Variants in PTPN12 observed in about 807,000 individuals in gnomAD.
The protein encoded by PTPN12 is protein tyrosine phosphatase non-receptor type 12, also known as tyrosine-protein phosphatase non-receptor type 12.
In PTPN12, 29 loss-of-function variants were observed where a neutral mutation model predicts 97.6. That is an observed-to-expected ratio of 0.30 (90% CI 0.22 to 0.41). The LOEUF is 0.41. PTPN12 is among the 10% of genes least tolerant of loss of function. The probability of loss-of-function intolerance (pLI) is 1.00; values close to 1 mark genes in which losing one functional copy is unlikely to be tolerated. For missense variants in PTPN12, 819 were observed against 926.0 expected (o/e 0.88, Z 1.50); for synonymous variants, 327 against 300.4 (o/e 1.09, Z -0.91).
At chr7:77,614,708 AAAT>A (rs1788693353) in intron 11 of PTPN12, among the ~76,000 whole-genome samples, 1 of 152,210 alleles carries the variant, frequency 6.6e-6, no homozygotes, top group Non-Finnish European at 1.5e-5. Context: ...TGCAGACCAT[AAAT>A]CTTAAAGAAA....
At chr7:77,590,967 G>T (rs1787850063) in intron 5 of PTPN12, among the ~76,000 whole-genome samples, 1 of 152,070 alleles carries the variant, frequency 6.6e-6, no homozygotes, top group Non-Finnish European at 1.5e-5. Flanking sequence ...AGCCCAGAAG[G>T]TAGAGGCTGC....
intron 2 of PTPN12, among the ~76,000 whole-genome samples, chr7:77,579,735 A>G (rs1205025300): frequency 1.3e-5 from 2 of 152,204 alleles, no homozygotes; most frequent in Non-Finnish European, 2.9e-5. Context: ...TTCTTTTTAC[A>G]TAGATCTCAT....
chr7:77,620,437 CT>C (rs1788893311), intron 12 of PTPN12, among the ~76,000 whole-genome samples: 1 of 152,068 alleles, frequency 6.6e-6, no homozygotes, highest in African/African-American at 2.4e-5. Flanking sequence ...CATAGGTCAC[CT>C]TTTTTCTTCT....
chr7:77,564,782 G>A (rs1339846968), intron 1 of PTPN12, among the ~76,000 whole-genome samples: 3 of 19,956 alleles, frequency 1.5e-4, no homozygotes, highest in African/African-American at 2.2e-4. Flanking sequence ...TTTTTGAGAC[G>A]GAATCTCGCC....
intron 11 of PTPN12, among the ~76,000 whole-genome samples, chr7:77,612,794 G>GTT (rs758256032): frequency 1.4e-5 from 2 of 146,244 alleles, no homozygotes; most frequent in Non-Finnish European, 3.0e-5. Flanking sequence ...TTGGTTTTTG[G>GTT]TTTTTTTTTT....
chr7:77,614,072 T>TG (rs1788668572), intron 11 of PTPN12, among the ~76,000 whole-genome samples: 1 of 40,896 alleles, frequency 2.4e-5, no homozygotes, highest in African/African-American at 1.8e-4. Flanking sequence ...AAAAAAATTT[T>TG]TTTTTGTAGA....
intron 11 of PTPN12, 79 bp from the exon 12 acceptor site, chr7:77,618,401 C>G: frequency 1.1e-6 from 1 of 946,230 alleles, no homozygotes; most frequent in South Asian, 1.9e-5. Context: ...TTGAAAAGCA[C>G]AGAAACAATT....
intron 1 of PTPN12, chr7:77,564,289 C>T (rs1808132529): frequency 6.6e-6 from 1 of 152,496 alleles, no homozygotes; most frequent in Non-Finnish European, 1.5e-5. Context: ...TCTAATTTTA[C>T]TGTATGCTGC....
intron 1 of PTPN12, among the ~76,000 whole-genome samples, chr7:77,548,376 C>T (rs1434082929): frequency 6.6e-6 from 1 of 152,176 alleles, no homozygotes; most frequent in Non-Finnish European, 1.5e-5. Flanking sequence ...GAAGGGAGTT[C>T]TAGGTCACAT....
At position 77,627,521 on chromosome 7, in the gene PTPN12, T is replaced by C; in HGVS notation, c.1842T>C (p.Asp614=). 6.2e-7 allele frequency: 1 copy of C among 1,614,126 alleles called. No individual in the cohort carries two copies. Among genetic ancestry groups the C allele is most frequent in the Non-Finnish European group, 8.5e-7 (1 of 1,179,998 alleles). The change falls in exon 13 of 18, where the codon GAT becomes GAC. Residue 614 remains aspartate (D), a synonymous_variant. Coordinates refer to ENST00000248594, the MANE Select transcript of PTPN12 (RefSeq NM_002835.4). ...DDSDSDERNS[D]GAVTQNKTNI... ...CAGACTCAGATGAAAGAAACTCTGA[T>C]GGTGCTGTGACCCAGAATAAAACTA...
intron 2 of PTPN12, among the ~76,000 whole-genome samples, chr7:77,572,098 C>CT (rs35269832): frequency 4.7e-4 from 63 of 133,348 alleles, no homozygotes; most frequent in Admixed American, 8.2e-4. Context: ...TTCTTGGTGA[C>CT]TTTTTTTTTT....
chr7:77,600,566 C>T (rs1788158953), intron 7 of PTPN12, 98 bp from the exon 8 acceptor site: 1 of 1,040,008 alleles, frequency 9.6e-7, no homozygotes, highest in South Asian at 1.8e-5. Flanking sequence ...GTGCTAAATG[C>T]CACACAAATT....
At chr7:77,546,818 G>A (rs886468125) in intron 1 of PTPN12, among the ~76,000 whole-genome samples, 1 of 152,192 alleles carries the variant, frequency 6.6e-6, no homozygotes, top group African/African-American at 2.4e-5. Context: ...TTCTTCACAA[G>A]GTGGCAGGAA....
intron 6 of PTPN12, among the ~76,000 whole-genome samples, chr7:77,596,681 G>A (rs1360387092): frequency 2.6e-5 from 4 of 152,194 alleles, no homozygotes; most frequent in African/African-American, 9.6e-5. Context: ...CAAACTACTG[G>A]CATTACAGGT....
chr7:77,571,392 A>G (rs569907241), intron 2 of PTPN12, among the ~76,000 whole-genome samples: 20 of 152,296 alleles, frequency 1.3e-4, no homozygotes, highest in African/African-American at 4.6e-4. Context: ...TCCTGTAAGT[A>G]TCACAGTTGC....
At chr7:77,537,755 A>AG in intron 1 of PTPN12, 110 bp downstream of exon 1, 3 of 1,181,424 alleles carry the variant, frequency 2.5e-6, no homozygotes, top group South Asian at 1.9e-5. Flanking sequence ...AGAGGGGCGG[A>AG]GGGGGCGCGC....
At position 77,580,046 on chromosome 7, in the gene PTPN12, A is replaced by G. The variant is rs192936032; in HGVS notation, c.209-1381A>G. Among the ~76,000 whole-genome samples, 7 of 152,374 alleles carry G rather than the reference A, an allele frequency of 4.6e-5. No individual in the cohort carries two copies. The East Asian group carries it at 1.2e-3, about 25-fold the overall frequency. On this transcript the variant is annotated intron_variant, in intron 2 of 17. Coordinates refer to ENST00000248594, the MANE Select transcript of PTPN12 (RefSeq NM_002835.4). ...CTACAGCAATGCTGGTAACAGCTATATATACATTAGTGTTCATTGTAGTAA... is the reference window on the plus strand; with the variant it reads ...CTACAGCAATGCTGGTAACAGCTATGTATACATTAGTGTTCATTGTAGTAA...
chr7:77,609,995 C>A (rs1788515009), intron 9 of PTPN12, among the ~76,000 whole-genome samples: 1 of 152,044 alleles, frequency 6.6e-6, no homozygotes, highest in Non-Finnish European at 1.5e-5. Flanking sequence ...CCAAAATATT[C>A]TTGTTGATAA....
intron 2 of PTPN12, among the ~76,000 whole-genome samples, chr7:77,579,128 T>A (rs1787429855): frequency 6.6e-6 from 1 of 152,070 alleles, no homozygotes; most frequent in Admixed American, 6.6e-5. Flanking sequence ...AAATTATTAT[T>A]ATTATTATCT....
Sources: gnomAD v4.1 joint callset for allele counts (sites outside exome capture counted in the v4.1 genomes callset) on GRCh38, gnomAD v4.1.1 for gene constraint, MANE v1.5 for transcripts, NCBI Gene and HGNC (gene_info 2026-07-23, HGNC 2026-07-21) for gene names.